MTFR1: variants seen among roughly 807,000 people sequenced by gnomAD.
The protein encoded by MTFR1 is chondrocyte protein with a poly-proline region.
A neutral mutation model predicts 38.8 loss-of-function variants in MTFR1; 28 were observed. The ratio of observed to expected loss-of-function variants is 0.72; its 90% CI spans 0.53 to 0.99. The LOEUF (loss-of-function observed/expected upper bound fraction) is 0.99, where lower values mean the gene tolerates loss of function less well. MTFR1 is among the 50% of genes least tolerant of loss of function. The probability of loss-of-function intolerance (pLI) is 0.00; values close to 1 mark genes in which losing one functional copy is unlikely to be tolerated. For synonymous variants in MTFR1, 145 were observed against 137.0 expected, an observed-to-expected ratio of 1.06 and a Z score of -0.41; for missense variants, 358 against 395.5, an observed-to-expected ratio of 0.91 and a Z score of 0.81.
chr8:65,678,362 C>A (rs1804776463), intron 2 of MTFR1, among the ~76,000 whole-genome samples: 1 of 152,194 alleles, frequency 6.6e-6, no homozygotes, highest in Non-Finnish European at 1.5e-5. Context: ...TCTTTCCCCT[C>A]ACTTTTTCCT....
intron 1 of MTFR1, among the ~76,000 whole-genome samples, chr8:65,656,162 C>T (rs1585743968): frequency 6.7e-6 from 1 of 150,084 alleles, no homozygotes; most frequent in Non-Finnish European, 1.5e-5. Context: ...CATCATTTTT[C>T]TCCAGCCCGG....
At chr8:65,693,531 C>A (rs1805344641) in intron 3 of MTFR1, 113 bp from the exon 4 acceptor site, 3 of 727,578 alleles carry the variant, frequency 4.1e-6, no homozygotes, top group Non-Finnish European at 7.2e-6. Flanking sequence ...GAGTTAGAAA[C>A]CACTCATGTG....
chr8:65,677,136 C>T (rs565543491), intron 2 of MTFR1, among the ~76,000 whole-genome samples: 6 of 140,872 alleles, frequency 4.3e-5, no homozygotes, highest in South Asian at 2.2e-4. Flanking sequence ...TGCAGTGGCG[C>T]GATCTTGCTC....
At chr8:65,732,555 T>C (rs1241995300) in intron 3 of MTFR1, among the ~76,000 whole-genome samples, 1 of 152,178 alleles carries the variant, frequency 6.6e-6, no homozygotes, top group Non-Finnish European at 1.5e-5. Flanking sequence ...AGATAGGTTG[T>C]CACCCAGGCT....
chr8:65,733,149 T>C (rs1806972428), intron 3 of MTFR1, among the ~76,000 whole-genome samples: 1 of 152,150 alleles, frequency 6.6e-6, no homozygotes, highest in South Asian at 2.1e-4. Flanking sequence ...ATGAAAAGTG[T>C]TTAAGTATTA....
chr8:65,738,499 C>T (rs965890271), intron 3 of MTFR1, among the ~76,000 whole-genome samples: 5 of 152,204 alleles, frequency 3.3e-5, no homozygotes, highest in African/African-American at 1.2e-4. Context: ...CTAGGAGAAA[C>T]TGGTGCCTAT....
At chr8:65,655,292 A>C (rs2129047889) in intron 1 of MTFR1, among the ~76,000 whole-genome samples, 1 of 152,310 alleles carries the variant, frequency 6.6e-6, no homozygotes, top group South Asian at 2.1e-4. Context: ...TTATATCTAA[A>C]TTGCATTAGC....
chr8:65,755,361 G>C (rs1808177878), intron 3 of MTFR1, among the ~76,000 whole-genome samples: 1 of 151,988 alleles, frequency 6.6e-6, no homozygotes, highest in East Asian at 1.9e-4. Flanking sequence ...GTTTTGTTTT[G>C]TTTTGTTTGT....
chr8:65,704,655 A>T (rs564453658), intron 4 of MTFR1, 39 bp from the exon 5 acceptor site: 2 of 1,562,412 alleles, frequency 1.3e-6, no homozygotes, highest in East Asian at 4.5e-5. Flanking sequence ...ACGTTCTCTT[A>T]CAAAGCCTGT....
intron 3 of MTFR1, among the ~76,000 whole-genome samples, chr8:65,744,535 C>A (rs1807585692): frequency 6.6e-6 from 1 of 152,126 alleles, no homozygotes; most frequent in Non-Finnish European, 1.5e-5. Flanking sequence ...TGATTAGAAT[C>A]ACCTGTGGGC....
At chr8:65,662,814 G>A (rs1300362131) in intron 1 of MTFR1, among the ~76,000 whole-genome samples, 2 of 150,652 alleles carry the variant, frequency 1.3e-5, no homozygotes, top group Non-Finnish European at 3.0e-5. Flanking sequence ...GGGAGGTGGG[G>A]GTCAGCCCCC....
chr8:65,740,307 T>C (rs930037373), intron 3 of MTFR1, among the ~76,000 whole-genome samples: 2 of 152,212 alleles, frequency 1.3e-5, no homozygotes, highest in African/African-American at 4.8e-5. Context: ...AAGCCTTTTA[T>C]GCTCTTCTTA....
chr8:65,719,974 G>C (rs532815902), intron 3 of MTFR1, among the ~76,000 whole-genome samples: 1 of 152,248 alleles, frequency 6.6e-6, no homozygotes, highest in South Asian at 2.1e-4. Flanking sequence ...CTTCATGCCT[G>C]GTCATGACTA....
intron 3 of MTFR1, among the ~76,000 whole-genome samples, chr8:65,746,606 CTT>C (rs1371723218): frequency 1.3e-5 from 2 of 152,048 alleles, no homozygotes; most frequent in Non-Finnish European, 1.5e-5. Flanking sequence ...TAGAAAAAAA[CTT>C]ATATTTTATA....
intron 3 of MTFR1, among the ~76,000 whole-genome samples, chr8:65,756,893 T>A (rs532692570): frequency 6.6e-6 from 1 of 152,248 alleles, no homozygotes; most frequent in East Asian, 1.9e-4. Flanking sequence ...CCTCCAGGAT[T>A]GTTTATTTTT....
intron 2 of MTFR1, chr8:65,719,368 TTC>T (rs1443094561): frequency 6.2e-7 from 1 of 1,613,876 alleles, no homozygotes; most frequent in African/African-American, 1.3e-5. Flanking sequence ...TGCTCGACTG[TTC>T]TCTCTGCAGT....
chr8:65,669,703 C>T (rs1011034427), intron 1 of MTFR1, among the ~76,000 whole-genome samples, 170 bp from the exon 2 acceptor site: 11 of 152,122 alleles, frequency 7.2e-5, no homozygotes, highest in Non-Finnish European at 1.6e-4. Flanking sequence ...AGGCATGCAC[C>T]GCCACGCCCG....
rs1305082870 is a variant in MTFR1 at position 65,709,672 on chromosome 8, C to CT, written c.*630dup. On this transcript the variant is annotated 3_prime_UTR_variant, in exon 8 of 8. Transcript: ENST00000262146. ...TGTTCACTGCTGAAATTCCATAATG[C>CT]TTCCCATTGAAGGGAAGTTGAGAAC... The CT allele has an allele frequency of 2.0e-5, 3 of 152,656 alleles. No homozygotes were observed. The highest frequency in any genetic ancestry group is 7.2e-5 in the African/African-American group (3 of 41,438). 9.5% of individuals were successfully genotyped at this position (152,656 alleles called of 1,614,324 possible).
intron 3 of MTFR1, chr8:65,724,768 C>T (rs567103682): frequency 6.3e-7 from 1 of 1,597,490 alleles, no homozygotes. Context: ...TTTCCAAGCC[C>T]CATTTTACCT....
Sources: allele counts gnomAD v4.1 joint callset (sites outside exome capture counted in the v4.1 genomes callset), GRCh38; gene constraint gnomAD v4.1.1; transcripts MANE v1.5; gene names NCBI Gene and HGNC (gene_info 2026-07-23, HGNC 2026-07-21).